PDE6D: variants seen among roughly 807,000 people sequenced by gnomAD.
PDE6D encodes the protein phosphodiesterase 6D.
PDE6D carries 10 observed loss-of-function variants against 21.9 expected under a neutral mutation model. The observed-to-expected ratio is 0.46, with a 90% CI of 0.28 to 0.78. The LOEUF is 0.78. Among genes scored for constraint, PDE6D ranks in the 30% least tolerant of loss-of-function variants. The pLI is 0.12. For synonymous variants in PDE6D, 59 were observed against 63.5 expected (o/e 0.93, Z 0.34); for missense variants, 139 against 184.8 (o/e 0.75, Z 1.44).
At chr2:231,779,697 G>C (rs2049086987) in intron 1 of PDE6D, among the ~76,000 whole-genome samples, 1 of 152,198 alleles carries the variant, frequency 6.6e-6, no homozygotes, top group East Asian at 1.9e-4. Context: ...ACCAAAACAT[G>C]AAAGTACTGA....
intron 4 of PDE6D, among the ~76,000 whole-genome samples, chr2:231,736,705 A>G (rs2048705039): frequency 6.6e-6 from 1 of 152,214 alleles, no homozygotes; most frequent in African/African-American, 2.4e-5. Flanking sequence ...GATTCTGTTA[A>G]AGGTGATCTA....
rs546243237 is a variant in PDE6D, at chr2:231,769,017, C to T, written c.50+12048G>A. On this transcript the variant is annotated intron_variant, in intron 1 of 4. Coordinates refer to ENST00000287600, the MANE Select transcript of PDE6D (RefSeq NM_002601.4). ...CCGAGTAGCTGGGATTACAGGCACACGCTACCACGCCCGGCTCATTTTGGT... is the reference window on the plus strand; with the variant it reads ...CCGAGTAGCTGGGATTACAGGCACATGCTACCACGCCCGGCTCATTTTGGT... Among the ~76,000 whole-genome samples the T allele has an allele frequency of 3.9e-5, 6 of 152,190 alleles. No individual in the cohort carries two copies. The South Asian group carries it at 6.2e-4, about 16-fold the overall frequency.
chr2:231,766,615 T>A (rs763826342), intron 1 of PDE6D, among the ~76,000 whole-genome samples: 1 of 152,152 alleles, frequency 6.6e-6, no homozygotes, highest in Non-Finnish European at 1.5e-5. Flanking sequence ...AAATCTACAT[T>A]CAGATTCCTG....
intron 1 of PDE6D, among the ~76,000 whole-genome samples, chr2:231,758,251 C>T (rs1249698732): frequency 6.6e-6 from 1 of 151,868 alleles, no homozygotes; most frequent in Non-Finnish European, 1.5e-5. Flanking sequence ...AAGGGATTCT[C>T]CTGGCTTGGA....
chr2:231,756,601 C>CT (rs78576087), intron 1 of PDE6D, among the ~76,000 whole-genome samples: 9,428 of 116,398 alleles, frequency 0.081, 571 homozygotes, highest in African/African-American at 0.13. Flanking sequence ...CTAAACCTGG[C>CT]TTTTTTTTTT....
intron 4 of PDE6D, 49 bp from the exon 5 acceptor site, chr2:231,733,082 G>C: frequency 8.0e-7 from 1 of 1,245,644 alleles, no homozygotes; most frequent in Non-Finnish European, 1.2e-6. Flanking sequence ...AGCATGTTAG[G>C]CACAAGATTT....
chr2:231,750,518 ACT>A (rs894433955), intron 1 of PDE6D, among the ~76,000 whole-genome samples: 30 of 138,548 alleles, frequency 2.2e-4, no homozygotes, highest in African/African-American at 7.6e-4. Flanking sequence ...AGTCTCACTC[ACT>A]CTGTTTCACT....
At chr2:231,734,017 C>T (rs572163276) in intron 4 of PDE6D, among the ~76,000 whole-genome samples, 14 of 151,868 alleles carry the variant, frequency 9.2e-5, no homozygotes, top group Admixed American at 7.2e-4. Context: ...TTGAGACCAT[C>T]CTGGCTAAAC....
At chr2:231,742,951 T>TTA (rs1242407236) in intron 1 of PDE6D, among the ~76,000 whole-genome samples, 1 of 152,174 alleles carries the variant, frequency 6.6e-6, no homozygotes, top group African/African-American at 2.4e-5. Context: ...TGTGTGGTCT[T>TTA]TGCTACAGAC....
chr2:231,756,324 T>C (rs2048882227), intron 1 of PDE6D, among the ~76,000 whole-genome samples: 2 of 152,232 alleles, frequency 1.3e-5, no homozygotes, highest in Admixed American at 6.5e-5. Context: ...GTTTTCAAGA[T>C]GTTGCTCTAA....
chr2:231,778,403 C>T (rs1207072539), intron 1 of PDE6D, among the ~76,000 whole-genome samples: 2 of 152,030 alleles, frequency 1.3e-5, no homozygotes, highest in Non-Finnish European at 2.9e-5. Flanking sequence ...TAAAGAACAT[C>T]TACAAATAAG....
chr2:231,763,269 G>A (rs1008993905), intron 1 of PDE6D, among the ~76,000 whole-genome samples: 3 of 152,164 alleles, frequency 2.0e-5, no homozygotes, highest in African/African-American at 4.8e-5. Context: ...TGTTTTACAT[G>A]GAGGGTAGCA....
intron 1 of PDE6D, among the ~76,000 whole-genome samples, chr2:231,757,082 CTGAG>C (rs1397623702): frequency 1.3e-5 from 2 of 151,594 alleles, no homozygotes; most frequent in Non-Finnish European, 2.9e-5. Context: ...CCTCAGCCTC[CTGAG>C]TATGTGGGGC....
In PDE6D at chr2:231,738,091, G is replaced by A. The variant is rs1475567455; in HGVS notation, c.187C>T (p.Leu63Phe). ...ATTTGTTCTGTCGAAGAAAAATTAAGTTCTCGAGACACTGCCTTGCACTTG... is the reference window on the plus strand; with the variant it reads ...ATTTGTTCTGTCGAAGAAAAATTAAATTCTCGAGACACTGCCTTGCACTTG... The part of the protein sequence containing the change: ...ILKCKAVSRE[L>F]NFSSTEQMEK... The change falls in exon 3 of 5, where the codon CTT becomes TTT. Residue 63 changes from leucine to phenylalanine, a missense_variant. Leu to Phe is a conservative substitution (Grantham distance 22). Transcript: ENST00000287600. 1 of 1,613,940 alleles carries A rather than the reference G, an allele frequency of 6.2e-7. No homozygotes were observed. Among genetic ancestry groups the A allele is most frequent in the African/African-American group, 1.3e-5 (1 of 75,048 alleles).
intron 1 of PDE6D, among the ~76,000 whole-genome samples, chr2:231,776,138 T>C (rs1042375558): frequency 2.0e-5 from 3 of 151,924 alleles, no homozygotes; most frequent in South Asian, 2.1e-4. Flanking sequence ...CTGGCCAACA[T>C]GGCGAAACCC....
intron 1 of PDE6D, chr2:231,779,379 CTT>C (rs1214118780): frequency 1.3e-5 from 2 of 152,328 alleles, no homozygotes; most frequent in Non-Finnish European, 2.9e-5. Flanking sequence ...GAAGCTCAAA[CTT>C]TTCTGCTTTG....
chr2:231,745,243 AG>A (rs902637294), intron 1 of PDE6D, among the ~76,000 whole-genome samples: 1 of 152,050 alleles, frequency 6.6e-6, no homozygotes, highest in Non-Finnish European at 1.5e-5. Flanking sequence ...AAAAAAACCG[AG>A]GAAACATTTG....
At chr2:231,757,264 C>A (rs2048889978) in intron 1 of PDE6D, among the ~76,000 whole-genome samples, 1 of 151,994 alleles carries the variant, frequency 6.6e-6, no homozygotes, top group African/African-American at 2.4e-5. Context: ...TGGACCAGGA[C>A]AATTTCCAAA....
intron 1 of PDE6D, among the ~76,000 whole-genome samples, chr2:231,774,263 T>C (rs2049037547): frequency 6.6e-6 from 1 of 152,142 alleles, no homozygotes; most frequent in Admixed American, 6.6e-5. Context: ...ATTAATAAAA[T>C]GAATGGCAGC....
Sources: allele counts gnomAD v4.1 joint callset (sites outside exome capture counted in the v4.1 genomes callset), GRCh38; gene constraint gnomAD v4.1.1; transcripts MANE v1.5; gene names NCBI Gene and HGNC (gene_info 2026-07-23, HGNC 2026-07-21).